Variants in CAPS2 observed in about 807,000 individuals in gnomAD.
CAPS2 encodes calcyphosine 2.
A neutral mutation model predicts 86.5 loss-of-function variants in CAPS2; 98 were observed. The observed-to-expected ratio is 1.13, with a 90% confidence interval of 0.96 to 1.34. The LOEUF (loss-of-function observed/expected upper bound fraction) is 1.34. CAPS2 is among the 40% of genes most tolerant of loss of function. The probability of loss-of-function intolerance (pLI) is 0.00; values close to 1 mark genes in which losing one functional copy is unlikely to be tolerated. For missense variants in CAPS2, 729 were observed against 686.8 expected (o/e 1.06, Z -0.69); for synonymous variants, 210 against 225.1 (o/e 0.93, Z 0.60).
At chr12:75,289,867 G>A (rs1237163208) in intron 13 of CAPS2, 92 bp from the exon 14 acceptor site, 16 of 892,874 alleles carry the variant, frequency 1.8e-5, no homozygotes, top group African/African-American at 1.0e-4. Flanking sequence ...TAAAGTTGAT[G>A]TAACTGAAAT....
chr12:75,321,628 T>C lies in CAPS2; in HGVS notation c.292-52A>G, dbSNP rs1002568551. 13 of 1,335,704 alleles carry C rather than the reference T, an allele frequency of 9.7e-6. No homozygotes were observed. In the South Asian group the frequency reaches 1.4e-4, roughly 15 times the overall value. The allele number at this position is 1,335,704 out of a possible 1,614,324, so 82.7% of individuals were successfully genotyped here. A position where few individuals can be genotyped will look rare whatever the true frequency, so the allele number is the denominator to read the frequency against. On this transcript the variant is annotated intron_variant, in intron 4 of 16. Coordinates refer to ENST00000393284, the Ensembl canonical transcript of CAPS2. ...TATCAGAAAAAAAAAGTATTAATTT[T>C]CCTTATTGGCATTAACAGGTTTACC...
chr12:75,305,006 TTAAA>T (rs1236626907), intron 7 of CAPS2, 130 bp from the exon 8 acceptor site: 3 of 574,652 alleles, frequency 5.2e-6, no homozygotes, highest in Non-Finnish European at 8.3e-6. Flanking sequence ...AATATTTTTA[TTAAA>T]TAAATTTATT....
intron 1 of CAPS2, among the ~76,000 whole-genome samples, chr12:75,348,710 G>A (rs928651649): frequency 1.3e-5 from 2 of 152,160 alleles, no homozygotes; most frequent in African/African-American, 2.4e-5. Flanking sequence ...TATGGGTCTT[G>A]TGAAAGCATA....
chr12:75,334,389 C>T (rs749336319), upstream of CAPS2: 33 of 848,474 alleles, frequency 3.9e-5, no homozygotes, highest in South Asian at 4.9e-5. Flanking sequence ...CTTTACCTAA[C>T]TTGTGTGGCT....
intron 1 of CAPS2, among the ~76,000 whole-genome samples, chr12:75,363,598 G>C (rs551140130): frequency 6.6e-6 from 1 of 152,168 alleles, no homozygotes; most frequent in African/African-American, 2.4e-5. Flanking sequence ...TCTCTTTCAT[G>C]ATCAGCTTTT....
chr12:75,314,517 G>A (rs191395629), intron 6 of CAPS2, among the ~76,000 whole-genome samples: 1 of 152,128 alleles, frequency 6.6e-6, no homozygotes, highest in East Asian at 1.9e-4. Context: ...AATACATCTT[G>A]TGTCACTCTC....
At chr12:75,369,914 C>T in intron 1 of CAPS2, 1 of 1,277,742 alleles carries the variant, frequency 7.8e-7, no homozygotes, top group Non-Finnish European at 1.0e-6. Flanking sequence ...AATATGTTTT[C>T]TTGTTTTATA....
chr12:75,363,399 G>C (rs1354877693), intron 1 of CAPS2, among the ~76,000 whole-genome samples: 1 of 152,104 alleles, frequency 6.6e-6, no homozygotes, highest in Admixed American at 6.6e-5. Context: ...TGAAGCTAAA[G>C]AGCAGAAAGG....
At chr12:75,323,209 C>A in exon 3 of CAPS2, 3 of 1,544,582 alleles carry the variant, frequency 1.9e-6, no homozygotes, top group South Asian at 1.2e-5. Context: ...CTTCCCAAAT[C>A]AAGTCGTGGG....
chr12:75,336,918 A>G (rs1033217908), intron 1 of CAPS2, among the ~76,000 whole-genome samples: 3 of 151,804 alleles, frequency 2.0e-5, no homozygotes, highest in South Asian at 2.1e-4. Context: ...ATTTTGTCCT[A>G]TATCTTCTGA....
chr12:75,335,196 A>G (rs895835269), intron 1 of CAPS2, among the ~76,000 whole-genome samples: 1 of 152,064 alleles, frequency 6.6e-6, no homozygotes, highest in African/African-American at 2.4e-5. Flanking sequence ...ACACAGGATT[A>G]TTTTGTTTTC....
chr12:75,298,649 T>C, intron 11 of CAPS2, 38 bp downstream of exon 11: 1 of 1,514,890 alleles, frequency 6.6e-7, no homozygotes, highest in Non-Finnish European at 9.2e-7. Flanking sequence ...AAATCCACCA[T>C]CTGGTATTAA....
chr12:75,334,334 G>C (rs188815194), upstream of CAPS2: 658 of 252,450 alleles, frequency 2.6e-3, 1 homozygote, highest in Non-Finnish European at 3.6e-3. Context: ...CGAATATATA[G>C]TGCTTTGCAC....
chr12:75,370,803 A>AT (rs1325514076), intron 1 of CAPS2, among the ~76,000 whole-genome samples: 3 of 152,358 alleles, frequency 2.0e-5, no homozygotes, highest in African/African-American at 7.2e-5. Flanking sequence ...ATATAAAATT[A>AT]GTATAGGTAA....
intron 7 of CAPS2, among the ~76,000 whole-genome samples, chr12:75,305,301 G>A (rs975847748): frequency 1.3e-5 from 2 of 152,186 alleles, no homozygotes; most frequent in Non-Finnish European, 2.9e-5. Context: ...AGAGAGAAGA[G>A]TTTATGAAAG....
exon 1 of CAPS2, chr12:75,326,418 T>C: frequency 7.3e-7 from 1 of 1,366,606 alleles, no homozygotes. Flanking sequence ...GCTCACATAC[T>C]TGTAGAGGCT....
exon 1 of CAPS2, chr12:75,326,486 C>T (rs1325827300): frequency 6.5e-7 from 1 of 1,542,506 alleles, no homozygotes; most frequent in Non-Finnish European, 8.8e-7. Context: ...ACTCCTTTAA[C>T]CTCTAAATCC....
intron 1 of CAPS2, among the ~76,000 whole-genome samples, chr12:75,358,754 ATATAT>A (rs1476036120): frequency 2.8e-5 from 4 of 143,924 alleles, no homozygotes; most frequent in East Asian, 2.0e-4. Flanking sequence ...AATATATATA[ATATAT>A]TATATATGTT....
At chr12:75,295,199 AT>A (rs990195076) in intron 11 of CAPS2, 3 of 152,230 alleles carry the variant, frequency 2.0e-5, no homozygotes, top group African/African-American at 4.8e-5. Flanking sequence ...AGATTTCTCA[AT>A]TTTTTTAGTT....
Sources: gnomAD v4.1 joint callset for allele counts (sites outside exome capture counted in the v4.1 genomes callset) on GRCh38, gnomAD v4.1.1 for gene constraint, MANE v1.5 for transcripts, NCBI Gene and HGNC (gene_info 2026-07-23, HGNC 2026-07-21) for gene names.